The following SORL1 variants were observed in gnomAD, a reference collection of about 807,000 sequenced individuals.
SORL1 encodes sortilin-related receptor.
A neutral mutation model predicts 273.7 loss-of-function variants in SORL1; 127 were observed. The ratio of observed to expected loss-of-function variants is 0.46; its 90% CI spans 0.40 to 0.54. The LOEUF is 0.54. Among genes scored for constraint, SORL1 ranks in the 20% least tolerant of loss-of-function variants. SORL1 has a pLI of 0.00. For synonymous variants in SORL1, 1,031 were observed against 1,067.4 expected, an observed-to-expected ratio of 0.97 and a Z score of 0.66; for missense variants, 2,494 against 2,846.1, an observed-to-expected ratio of 0.88 and a Z score of 2.81.
intron 16 of SORL1, among the ~76,000 whole-genome samples, 165 bp from the exon 17 acceptor site, chr11:121,553,772 T>C (rs1217242948): frequency 2.6e-5 from 4 of 152,212 alleles, no homozygotes; most frequent in African/African-American, 9.7e-5. Context: ...GAAATGTGAT[T>C]CCATTACACA....
At chr11:121,470,157 T>C (rs1861147190) in intron 2 of SORL1, 34 bp downstream of exon 2, 1 of 1,430,572 alleles carries the variant, frequency 7.0e-7, no homozygotes. Flanking sequence ...CACACCTTGG[T>C]GCCATCAACA....
At chr11:121,475,604 G>A (rs879208467) in intron 2 of SORL1, among the ~76,000 whole-genome samples, 1 of 152,226 alleles carries the variant, frequency 6.6e-6, no homozygotes, top group Admixed American at 6.5e-5. Flanking sequence ...ACTCCTTCCA[G>A]TGCTTGGCCT....
chr11:121,469,166 G>A (rs929813123), intron 1 of SORL1, among the ~76,000 whole-genome samples: 5 of 152,146 alleles, frequency 3.3e-5, no homozygotes, highest in Non-Finnish European at 7.3e-5. Context: ...TGCGGCCTGC[G>A]GATGGGGAAA....
Position 121,615,020 on chromosome 11 carries a change from G to A in SORL1, c.5569G>A (p.Ala1857Thr), listed in dbSNP as rs1335530535. 3 of 1,611,752 alleles carry A rather than the reference G, an allele frequency of 1.9e-6. No homozygotes were observed. The highest frequency in any genetic ancestry group is 2.2e-5 in the East Asian group (1 of 44,806). Reference sequence around the variant, plus strand: ...CAAGGCCAAAGCCATCAACCAGACTGCAGTGGAATGTACCTGGACCGGCCC... The same window carrying A: ...CAAGGCCAAAGCCATCAACCAGACTACAGTGGAATGTACCTGGACCGGCCC... ...SLKAKAINQTAVECTWTGPRN... is the reference protein window; with the variant it reads ...SLKAKAINQTTVECTWTGPRN... Residue 1857 changes from alanine to threonine, a missense_variant, in exon 41 of 48, where the codon GCA becomes ACA. By Grantham distance (58) the Ala-to-Thr change is moderately conservative (BLOSUM62 0). Transcript: ENST00000260197.
intron 35 of SORL1, 80 bp from the exon 36 acceptor site, chr11:121,606,763 GTC>G: frequency 6.0e-6 from 4 of 668,860 alleles, no homozygotes; most frequent in Non-Finnish European, 8.1e-6. Context: ...AGTCGTTCTT[GTC>G]CTTGTTCTAA....
At position 121,631,466 on chromosome 11, in the gene SORL1, G is replaced by A. The variant is rs146702048; in HGVS notation, c.*1903G>A. The A allele has an allele frequency of 3.4e-4, 51 of 151,936 alleles. No individual in the cohort carries two copies. Among genetic ancestry groups the A allele is most frequent in the African/African-American group, 1.2e-3 (49 of 41,442 alleles). The allele number at this position is 151,936 out of a possible 1,614,324, so 9.4% of individuals were successfully genotyped here. A position where few individuals can be genotyped will look rare whatever the true frequency, so the allele number is the denominator to read the frequency against. ...AGCCCTACCACCTCCCCTTTAATAA[G>A]CTCTTTAAATAGTTGAATCATTAAC... On this transcript the variant is annotated 3_prime_UTR_variant, in exon 48 of 48. Transcript: ENST00000260197.
Position 121,629,158 on chromosome 11 carries a change from G to A in SORL1, c.6578-338G>A, listed in dbSNP as rs147275424. The A allele has an allele frequency of 2.8e-3, 782 of 282,478 alleles. 5 individuals carry two copies. Among genetic ancestry groups the A allele is most frequent in the African/African-American group, 0.016 (731 of 46,450 alleles). 17.5% of individuals were successfully genotyped at this position (282,478 alleles called of 1,614,324 possible). On this transcript the variant is annotated intron_variant, in intron 47 of 47. Transcript: ENST00000260197. ...CACTGAAGTTCACTGTGCTAGTGTAGGGTATAGATAACTCAAACTGGGGAA... is the reference window on the plus strand; with the variant it reads ...CACTGAAGTTCACTGTGCTAGTGTAAGGTATAGATAACTCAAACTGGGGAA...
chr11:121,486,220 A>G (rs1341788967), intron 3 of SORL1, among the ~76,000 whole-genome samples: 1 of 152,138 alleles, frequency 6.6e-6, no homozygotes, highest in East Asian at 1.9e-4. Context: ...TCTGATTCAT[A>G]ATCTCCTGAG....
At chr11:121,608,050 G>A in intron 37 of SORL1, 54 bp from the exon 38 acceptor site, 1 of 1,456,538 alleles carries the variant, frequency 6.9e-7, no homozygotes, top group Non-Finnish European at 9.6e-7. Flanking sequence ...CTTACTGTAT[G>A]GTGTATGGTG....
At position 121,629,623 on chromosome 11, in the gene SORL1, A is replaced by G. The variant is rs1863846432; in HGVS notation, c.*60A>G. 4.6e-6 allele frequency: 4 copies of G among 861,540 alleles called. No homozygotes were observed. Among genetic ancestry groups the G allele is most frequent in the Non-Finnish European group, 7.9e-6 (4 of 504,524 alleles). 53.4% of individuals were successfully genotyped at this position (861,540 alleles called of 1,614,324 possible). On this transcript the variant is annotated 3_prime_UTR_variant, in exon 48 of 48. Transcript: ENST00000260197. The stretch of plus-strand genomic sequence containing the variant: ...ATATTTTATTTGATAAAGATAGTTG[A>G]TGGTTTATTTTAAAAGATGCACTTT...
intron 41 of SORL1, 143 bp from the exon 42 acceptor site, chr11:121,618,631 T>C: frequency 3.0e-6 from 3 of 995,214 alleles, no homozygotes; most frequent in Non-Finnish European, 1.5e-6. Context: ...TCTCTGTAAA[T>C]GCTGTAAATG....
chr11:121,487,021 C>G (rs1861484154), intron 3 of SORL1, among the ~76,000 whole-genome samples: 1 of 152,194 alleles, frequency 6.6e-6, no homozygotes, highest in Admixed American at 6.5e-5. Context: ...TGTGCCCAAA[C>G]CCACACTGCC....
At chr11:121,496,229 G>C (rs890369898) in intron 5 of SORL1, among the ~76,000 whole-genome samples, 1 of 152,248 alleles carries the variant, frequency 6.6e-6, no homozygotes, top group Non-Finnish European at 1.5e-5. Flanking sequence ...CCTCACGAGA[G>C]TGTGGTGTTT....
chr11:121,467,030 C>CTTTTTTTTTTTT (rs58596501), intron 1 of SORL1, among the ~76,000 whole-genome samples: 1 of 125,306 alleles, frequency 8.0e-6, no homozygotes. Flanking sequence ...TTCTTTTTTT[C>CTTTTTTTTTTTT]TTTTTTTTTT....
Position 121,625,174 on chromosome 11 carries a change from G to C in SORL1, c.6261G>C (p.Leu2087=). The change falls in exon 46 of 48, where the codon CTG becomes CTC. Residue 2087 remains leucine, a synonymous_variant. Coordinates refer to ENST00000260197, the MANE Select transcript of SORL1 (RefSeq NM_003105.6). ...TTDNFFKISN[L]KMGHNYTFTV... is the part of the protein sequence containing the mutation. ...ACAATTTCTTTAAAATTTCCAACCT[G>C]AAGATGGGTCATAATTACACGTTCA... 1 of 1,613,932 alleles carries C rather than the reference G, an allele frequency of 6.2e-7. No individual in the cohort carries two copies. Among genetic ancestry groups the C allele is most frequent in the Non-Finnish European group, 8.5e-7 (1 of 1,179,852 alleles).
Position 121,514,147 on chromosome 11 carries a change from C to T in SORL1, c.1042-5C>T, listed in dbSNP as rs368808642. 3 of 1,608,876 alleles carry T rather than the reference C, an allele frequency of 1.9e-6. No individual in the cohort carries two copies. The African/African-American group carries it at 4.0e-5, about 22-fold the overall frequency. On this transcript the variant is annotated splice_polypyrimidine_tract_variant and splice_region_variant and intron_variant, in intron 7 of 47. Coordinates refer to ENST00000260197, the MANE Select transcript of SORL1 (RefSeq NM_003105.6). ...ACGTATCTTTTTTGACTTTTGATTC[C>T]AAAGGAATATTACATCGCAGATGCC...
chr11:121,543,619 T>C lies in SORL1; in HGVS notation c.1757T>C (p.Leu586Pro). The C allele has an allele frequency of 6.2e-7, 1 of 1,614,152 alleles. No homozygotes were observed. The highest frequency in any genetic ancestry group is 8.5e-7 in the Non-Finnish European group (1 of 1,179,952). The change falls in exon 13 of 48, where the codon CTC becomes CCC. Residue 586 changes from leucine to proline, a missense_variant. Coordinates refer to ENST00000260197, the MANE Select transcript of SORL1 (RefSeq NM_003105.6). The stretch of plus-strand genomic sequence containing the variant: ...GAGAAGCCAGTGTTTGTGTATGGCC[T>C]CCTCACAGAACCTGGGGAGAAGAGC... The part of the protein sequence containing the change: ...FSEKPVFVYG[L>P]LTEPGEKSTV...
chr11:121,619,756 C>G lies in SORL1; in HGVS notation c.5728C>G (p.Arg1910Gly), dbSNP rs762818674. The change falls in exon 43 of 48, where the codon CGT (arginine) becomes GGT (glycine). Residue 1910 changes from arginine (R) to glycine (G), a missense_variant. By Grantham distance (125) the Arg-to-Gly change is moderately radical. This residue lies in a region of SORL1 where 1,609 missense variants were observed against 1,816.4 expected (regional missense o/e 0.89). Transcript: ENST00000260197. ...TACGTGTGTGCTTGGGCTTCAGGTC[C>G]GTGTAGTGGTACCCTACCAGGGGCC... The part of the protein sequence containing the change: ...SKDEQYLFLV[R>G]VVVPYQGPSS... 6.2e-7 allele frequency: 1 copy of G among 1,612,980 alleles called. No individual in the cohort carries two copies. Among genetic ancestry groups the G allele is most frequent in the South Asian group, 1.1e-5 (1 of 91,000 alleles).
At chr11:121,540,551 CTT>C (rs1396779373) in intron 12 of SORL1, among the ~76,000 whole-genome samples, 1 of 97,008 alleles carries the variant, frequency 1.0e-5, no homozygotes, top group Non-Finnish European at 2.3e-5. Context: ...GCAAAGATGA[CTT>C]TGTTTCTTCA....
Sources: allele counts gnomAD v4.1 joint callset (sites outside exome capture counted in the v4.1 genomes callset), GRCh38; gene constraint gnomAD v4.1.1; regional missense constraint gnomAD v4.1.1; transcripts MANE v1.5; gene names NCBI Gene and HGNC (gene_info 2026-07-23, HGNC 2026-07-21).